SPOCK3: variants seen among roughly 807,000 people sequenced by gnomAD.
SPOCK3 encodes testican-3.
A neutral mutation model predicts 56.6 loss-of-function variants in SPOCK3; 30 were observed. The observed-to-expected ratio is 0.53, with a 90% confidence interval of 0.40 to 0.72. The LOEUF is 0.72. Ranked by LOEUF, SPOCK3 falls within the 30% of genes least tolerant of loss-of-function variation. SPOCK3 has a pLI of 0.00. For synonymous variants in SPOCK3, 196 were observed against 183.3 expected (o/e 1.07, Z -0.56); for missense variants, 527 against 530.0 (o/e 0.99, Z 0.06).
chr4:166,755,622 A>T (rs1428226451), intron 7 of SPOCK3, among the ~76,000 whole-genome samples: 3 of 152,132 alleles, frequency 2.0e-5, no homozygotes, highest in African/African-American at 7.2e-5. Context: ...GTGAAAGTAA[A>T]CTAATAACTC....
At chr4:166,981,855 C>G (rs1335724578) in intron 4 of SPOCK3, among the ~76,000 whole-genome samples, 3 of 152,162 alleles carry the variant, frequency 2.0e-5, no homozygotes, top group African/African-American at 7.2e-5. Flanking sequence ...TTGGTCAGCA[C>G]CCAAACTCTG....
Position 166,749,213 on chromosome 4 carries a change from A to G in SPOCK3, c.931+5295T>C, listed in dbSNP as rs1304126625. 6.5e-5 allele frequency among the ~76,000 whole-genome samples: 9 copies of G among 137,670 alleles called. 1 individual carries two copies. Among genetic ancestry groups the G allele is most frequent in the Non-Finnish European group, 1.1e-4 (7 of 64,858 alleles). The allele number at this position is 137,670 out of a possible 152,430, so 90.3% of individuals were successfully genotyped here. A position where few individuals can be genotyped will look rare whatever the true frequency, so the allele number is the denominator to read the frequency against. The stretch of plus-strand genomic sequence containing the variant: ...GTATGTTTATTGCAGCACTGCTCAC[A>G]ATAGCAAAGACTTGGAACCAACCCA... On this transcript the variant is annotated intron_variant, in intron 8 of 10. Coordinates refer to ENST00000357545, the MANE Select transcript of SPOCK3 (RefSeq NM_001040159.2).
At chr4:167,189,647 G>A (rs1732307962) in intron 2 of SPOCK3, among the ~76,000 whole-genome samples, 1 of 144,754 alleles carries the variant, frequency 6.9e-6, no homozygotes, top group Non-Finnish European at 1.5e-5. Context: ...TTACACTTAA[G>A]ATCTACTGTC....
At chr4:166,902,039 T>C (rs1736103633) in intron 5 of SPOCK3, among the ~76,000 whole-genome samples, 1 of 152,154 alleles carries the variant, frequency 6.6e-6, no homozygotes, top group Non-Finnish European at 1.5e-5. Context: ...TTGCACATCA[T>C]GCAATCAGAG....
At chr4:167,162,470 T>C (rs564397954) in intron 2 of SPOCK3, among the ~76,000 whole-genome samples, 47 of 152,242 alleles carry the variant, frequency 3.1e-4, no homozygotes, top group Admixed American at 1.1e-3. Context: ...TTACTTAAGT[T>C]TAAATTATCA....
At chr4:166,816,726 C>T (rs1041539011) in intron 6 of SPOCK3, among the ~76,000 whole-genome samples, 7 of 152,002 alleles carry the variant, frequency 4.6e-5, no homozygotes, top group Non-Finnish European at 7.4e-5. Flanking sequence ...TTATTCTCTT[C>T]CAGAGCCCAA....
At chr4:167,107,643 T>C (rs1318589719) in intron 2 of SPOCK3, among the ~76,000 whole-genome samples, 3 of 151,688 alleles carry the variant, frequency 2.0e-5, no homozygotes, top group East Asian at 1.9e-4. Flanking sequence ...GACATCCAGA[T>C]TGTAAGGGAA....
chr4:166,850,209 C>G (rs72697535), intron 6 of SPOCK3, among the ~76,000 whole-genome samples: 6,962 of 152,220 alleles, frequency 0.046, 220 homozygotes, highest in Non-Finnish European at 0.061. Flanking sequence ...CAACTGTACA[C>G]AAGGGTACCA....
chr4:167,061,188 T>C (rs1561174703), intron 3 of SPOCK3, among the ~76,000 whole-genome samples: 1 of 152,000 alleles, frequency 6.6e-6, no homozygotes, highest in Non-Finnish European at 1.5e-5. Context: ...TTATTATAAC[T>C]GGATGCACCA....
At chr4:167,048,157 G>A (rs79500244) in intron 3 of SPOCK3, among the ~76,000 whole-genome samples, 1,593 of 151,590 alleles carry the variant, frequency 0.011, 29 homozygotes, top group African/African-American at 0.037. Flanking sequence ...GCATGTAAGA[G>A]GCAATTACCT....
intron 4 of SPOCK3, among the ~76,000 whole-genome samples, chr4:166,972,730 T>C (rs980607703): frequency 2.0e-5 from 3 of 151,854 alleles, no homozygotes; most frequent in Non-Finnish European, 4.4e-5. Flanking sequence ...AACAACTGAC[T>C]GGAGTCAGTT....
At chr4:166,871,782 C>CA (rs1259805160) in intron 6 of SPOCK3, among the ~76,000 whole-genome samples, 1 of 149,452 alleles carries the variant, frequency 6.7e-6, no homozygotes. Flanking sequence ...GATATTTTAG[C>CA]AAAAAAATAT....
intron 2 of SPOCK3, among the ~76,000 whole-genome samples, chr4:167,199,010 A>G (rs1403318155): frequency 2.0e-5 from 3 of 152,088 alleles, no homozygotes; most frequent in Non-Finnish European, 2.9e-5. Flanking sequence ...GGCCATAAGT[A>G]TATTTTTGTG....
intron 2 of SPOCK3, among the ~76,000 whole-genome samples, chr4:167,189,666 C>T (rs1007930873): frequency 6.9e-6 from 1 of 144,592 alleles, no homozygotes; most frequent in Non-Finnish European, 1.5e-5. Flanking sequence ...TCTAAAAACA[C>T]TCAAGTATAT....
intron 2 of SPOCK3, among the ~76,000 whole-genome samples, chr4:167,224,825 C>T (rs999120307): frequency 2.0e-5 from 3 of 152,030 alleles, no homozygotes; most frequent in African/African-American, 4.8e-5. Context: ...TGCCACCACA[C>T]TCAGCTAATT....
At chr4:166,921,465 C>T (rs1338460242) in intron 4 of SPOCK3, among the ~76,000 whole-genome samples, 3 of 151,980 alleles carry the variant, frequency 2.0e-5, no homozygotes, top group Non-Finnish European at 2.9e-5. Flanking sequence ...TATAGGCGCA[C>T]GCCACCACGC....
intron 3 of SPOCK3, among the ~76,000 whole-genome samples, chr4:167,036,219 A>T (rs1752738997): frequency 6.6e-6 from 1 of 152,160 alleles, no homozygotes; most frequent in Non-Finnish European, 1.5e-5. Flanking sequence ...TGCTTTTGCG[A>T]CGTGCCAAAA....
chr4:166,806,037 G>A (rs942600544), intron 6 of SPOCK3, among the ~76,000 whole-genome samples: 1 of 152,024 alleles, frequency 6.6e-6, no homozygotes, highest in Non-Finnish European at 1.5e-5. Context: ...ATTAAGAGTT[G>A]TAGAAAAGTA....
intron 2 of SPOCK3, among the ~76,000 whole-genome samples, chr4:167,147,068 A>G (rs1276386842): frequency 6.6e-6 from 1 of 152,148 alleles, no homozygotes; most frequent in East Asian, 1.9e-4. Flanking sequence ...CACTAACCAG[A>G]CTAATAAAGA....
Sources: gnomAD v4.1 joint callset for allele counts (sites outside exome capture counted in the v4.1 genomes callset) on GRCh38, gnomAD v4.1.1 for gene constraint, MANE v1.5 for transcripts, NCBI Gene and HGNC (gene_info 2026-07-23, HGNC 2026-07-21) for gene names.